IGF1R: variants seen among roughly 807,000 people sequenced by gnomAD.
IGF1R encodes the protein insulin like growth factor 1 receptor.
In IGF1R, 44 loss-of-function variants were observed where a neutral mutation model predicts 144.6. The ratio of observed to expected loss-of-function variants is 0.30; its 90% CI spans 0.24 to 0.39. The LOEUF is 0.39. Ranked by LOEUF, IGF1R falls within the 10% of genes least tolerant of loss-of-function variation. IGF1R has a pLI of 1.00. For missense variants in IGF1R, 1,355 were observed against 1,833.7 expected, an observed-to-expected ratio of 0.74 and a Z score of 4.77; for synonymous variants, 795 against 722.8, an observed-to-expected ratio of 1.10 and a Z score of -1.60.
At chr15:98,788,436 C>CT (rs1173995776) in intron 2 of IGF1R, among the ~76,000 whole-genome samples, 16 of 152,332 alleles carry the variant, frequency 1.1e-4, no homozygotes, top group African/African-American at 3.8e-4. Context: ...AAGTCACAGG[C>CT]TTCCTTCCTG....
At chr15:98,896,634 A>G (rs1048457065) in intron 3 of IGF1R, 123 bp from the exon 4 acceptor site, 3 of 1,043,826 alleles carry the variant, frequency 2.9e-6, no homozygotes, top group East Asian at 2.6e-5. Flanking sequence ...GAACACTTCA[A>G]AACAGTTGCT....
At chr15:98,909,261 C>CTTTTTTTTTTTTTTTTT (rs752298130) in intron 6 of IGF1R, among the ~76,000 whole-genome samples, 65 of 91,724 alleles carry the variant, frequency 7.1e-4, no homozygotes, top group Middle Eastern at 5.1e-3. Flanking sequence ...CTTTTTTTTT[C>CTTTTTTTTTTTTTTTTT]TTTTTTTTTT....
chr15:98,924,270 CAGTTCTAAT>C (rs1481382114), intron 12 of IGF1R, among the ~76,000 whole-genome samples: 3 of 152,240 alleles, frequency 2.0e-5, no homozygotes, highest in Non-Finnish European at 4.4e-5. Context: ...TAGGCCAGGT[CAGTTCTAAT>C]AACTTTTAAT....
Position 98,939,114 on chromosome 15 carries a change from C to G in IGF1R, c.3298-87C>G, listed in dbSNP as rs1418990297. 4 of 1,144,528 alleles carry G rather than the reference C, an allele frequency of 3.5e-6. No individual in the cohort carries two copies. The African/African-American group carries it at 6.2e-5, about 18-fold the overall frequency. The allele number at this position is 1,144,528 out of a possible 1,614,324, so 70.9% of individuals were successfully genotyped here. ...AACAACCCACGGTGCCCAGATTGAA[C>G]AAAGATGATATGCAAACCTCGAAAG... is the stretch of plus-strand genomic sequence containing the variant. On this transcript the variant is annotated intron_variant, in intron 17 of 20. Transcript: ENST00000650285.
In IGF1R at chr15:98,903,569, TTG is replaced by T. The variant is rs141083603; in HGVS notation, c.1247+3952_1247+3953del. Among the ~76,000 whole-genome samples, 819 of 152,282 alleles carry T rather than the reference TTG, an allele frequency of 5.4e-3. 9 individuals carry two copies. Among genetic ancestry groups the T allele is most frequent in the African/African-American group, 0.018 (755 of 41,542 alleles). On this transcript the variant is annotated intron_variant, in intron 5 of 20. Transcript: ENST00000650285. ...AAATGAAAACATGCCCACACAAGAC[TTG>T]TGTATGAATGCTGGTAGCAGTATTA...
At chr15:98,791,344 G>C (rs1450846854) in intron 2 of IGF1R, among the ~76,000 whole-genome samples, 2 of 152,046 alleles carry the variant, frequency 1.3e-5, no homozygotes, top group Non-Finnish European at 2.9e-5. Context: ...CTAATATTTA[G>C]TTTTTACTTC....
chr15:98,840,932 C>A (rs535500137), intron 2 of IGF1R, among the ~76,000 whole-genome samples: 6 of 152,174 alleles, frequency 3.9e-5, no homozygotes, highest in Non-Finnish European at 8.8e-5. Flanking sequence ...CCGCCCGCCT[C>A]GGCCTCCCAA....
chr15:98,854,925 C>A (rs1016946718), intron 2 of IGF1R, among the ~76,000 whole-genome samples: 2 of 147,504 alleles, frequency 1.4e-5, no homozygotes, highest in Non-Finnish European at 2.9e-5. Flanking sequence ...GTTCCCCTCT[C>A]ACTCCCTCCA....
intron 18 of IGF1R, among the ~76,000 whole-genome samples, chr15:98,939,605 G>C (rs2016290708): frequency 1.3e-5 from 2 of 152,216 alleles, no homozygotes; most frequent in Admixed American, 1.3e-4. Context: ...TGGCTCTCCA[G>C]ACGTTTGAGG....
intron 2 of IGF1R, among the ~76,000 whole-genome samples, chr15:98,776,192 ATT>A (rs200990986): frequency 6.8e-6 from 1 of 147,250 alleles, no homozygotes. Flanking sequence ...TTATTTTTTT[ATT>A]TTTTTTTTGA....
intron 2 of IGF1R, among the ~76,000 whole-genome samples, chr15:98,878,707 A>G (rs2013207274): frequency 6.7e-6 from 1 of 150,268 alleles, no homozygotes; most frequent in Non-Finnish European, 1.5e-5. Flanking sequence ...AACAACAAAA[A>G]AAAGGCCAGG....
At chr15:98,651,148 T>C (rs1248740067) in intron 1 of IGF1R, 31 of 800,168 alleles carry the variant, frequency 3.9e-5, no homozygotes, top group Non-Finnish European at 4.4e-5. Context: ...CGACTGAGCC[T>C]TCACGAGTGA....
intron 13 of IGF1R, among the ~76,000 whole-genome samples, chr15:98,927,406 A>G (rs1378094458): frequency 6.6e-6 from 1 of 152,198 alleles, no homozygotes; most frequent in Non-Finnish European, 1.5e-5. Flanking sequence ...TCTTTTCCAG[A>G]TGAAATAATC....
At chr15:98,933,157 G>A (rs1192614717) in intron 15 of IGF1R, among the ~76,000 whole-genome samples, 3 of 152,226 alleles carry the variant, frequency 2.0e-5, no homozygotes, top group Admixed American at 2.0e-4. Flanking sequence ...TTAGCACACA[G>A]CGTCAGAGGA....
In IGF1R at chr15:98,935,468, GCT is replaced by G. The variant is rs747599053; in HGVS notation, c.3297+47_3297+48del. ...ACCGGTATTGCATGTTGCCTGGCCTGCTCTCTTTTCCTTTATAATCTCCCTGC... is the reference window on the plus strand; with the variant it reads ...ACCGGTATTGCATGTTGCCTGGCCTGCTCTTTTCCTTTATAATCTCCCTGC... On this transcript the variant is annotated intron_variant, in intron 17 of 20. Coordinates refer to ENST00000650285, the MANE Select transcript of IGF1R (RefSeq NM_000875.5). This position sits in a 1 kb window ranked among gnomAD's most constrained non-coding sequence, Gnocchi z 4.2. 1.7e-5 allele frequency: 19 copies of G among 1,136,684 alleles called. No homozygotes were observed. The highest frequency in any genetic ancestry group is 2.5e-5 in the Non-Finnish European group (19 of 768,020). The allele number at this position is 1,136,684 out of a possible 1,614,324, so 70.4% of individuals were successfully genotyped here.
intron 11 of IGF1R, 84 bp from the exon 12 acceptor site, chr15:98,923,792 G>A (rs762163370): frequency 3.6e-5 from 39 of 1,076,832 alleles, no homozygotes; most frequent in Non-Finnish European, 5.6e-5. Flanking sequence ...GTGTGGATGG[G>A]GGGGTTATTC....
At chr15:98,664,158 A>G (rs948825737) in intron 1 of IGF1R, among the ~76,000 whole-genome samples, 7 of 152,182 alleles carry the variant, frequency 4.6e-5, no homozygotes, top group African/African-American at 1.7e-4. Context: ...ATTTTCAATC[A>G]CGTTCACCTG....
At chr15:98,691,367 G>GTTTTTTTTT (rs746317149) in intron 1 of IGF1R, among the ~76,000 whole-genome samples, 1 of 132,152 alleles carries the variant, frequency 7.6e-6, no homozygotes, top group Non-Finnish European at 1.6e-5. Flanking sequence ...GGTTTTTTTT[G>GTTTTTTTTT]TTTTTTTTTT....
chr15:98,686,083 C>G (rs764889753), intron 1 of IGF1R, among the ~76,000 whole-genome samples: 16 of 152,212 alleles, frequency 1.1e-4, no homozygotes, highest in Non-Finnish European at 2.2e-4. Flanking sequence ...ATTCCACTTT[C>G]TGTCTGTAAA....
Sources: gnomAD v4.1 joint callset for allele counts (sites outside exome capture counted in the v4.1 genomes callset) on GRCh38, gnomAD v4.1.1 for gene constraint, Gnocchi (gnomAD v3.1) non-coding constraint, MANE v1.5 for transcripts, NCBI Gene and HGNC (gene_info 2026-07-23, HGNC 2026-07-21) for gene names.